SS18: variants seen among roughly 807,000 people sequenced by gnomAD.
SS18 encodes the protein protein SSXT.
SS18 carries 28 observed loss-of-function variants against 72.5 expected under a neutral mutation model. The ratio of observed to expected loss-of-function variants is 0.39; its 90% CI spans 0.29 to 0.53. The LOEUF is 0.53. Among genes scored for constraint, SS18 ranks in the 20% least tolerant of loss-of-function variants. SS18 has a pLI of 0.76. For missense variants in SS18, 518 were observed against 535.3 expected (o/e 0.97, Z 0.32); for synonymous variants, 172 against 164.2 (o/e 1.05, Z -0.37).
At chr18:26,033,498 G>A (rs1450024432) in intron 9 of SS18, among the ~76,000 whole-genome samples, 5 of 148,102 alleles carry the variant, frequency 3.4e-5, no homozygotes, top group Non-Finnish European at 7.4e-5. Context: ...GGCAACAAGA[G>A]TGAAACTCCG....
chr18:26,075,975 A>G (rs539165351), intron 3 of SS18, among the ~76,000 whole-genome samples: 2 of 152,072 alleles, frequency 1.3e-5, no homozygotes, highest in East Asian at 3.9e-4. Context: ...CTCAAAAAAT[A>G]TAAAGTATTA....
chr18:26,090,733 C>G (rs1271151404), upstream of SS18: 3 of 700,360 alleles, frequency 4.3e-6, no homozygotes, highest in South Asian at 3.5e-5. Context: ...AGGAGGCACT[C>G]TGGCCAGGGA....
In SS18 at chr18:26,035,507, T is replaced by C. The variant is rs2053611966; in HGVS notation, c.973+324A>G. 1.4e-5 allele frequency: 4 copies of C among 286,500 alleles called. No individual in the cohort carries two copies. Among genetic ancestry groups the C allele is most frequent in the East Asian group, 6.4e-5 (1 of 15,526 alleles). 17.7% of individuals were successfully genotyped at this position (286,500 alleles called of 1,614,324 possible). On this transcript the variant is annotated intron_variant, in intron 8 of 10. Coordinates refer to ENST00000415083, the MANE Select transcript of SS18 (RefSeq NM_001007559.3). This position sits in a 1 kb window ranked among gnomAD's most constrained non-coding sequence, Gnocchi z 4.4. Reference sequence around the variant, plus strand: ...CTGTTTCCTAAAGGCACTATACTTATATGTAAAATTATACATATGTAAACA... The same window carrying C: ...CTGTTTCCTAAAGGCACTATACTTACATGTAAAATTATACATATGTAAACA...
At chr18:26,061,974 G>A (rs2054131874) in intron 3 of SS18, among the ~76,000 whole-genome samples, 1 of 152,104 alleles carries the variant, frequency 6.6e-6, no homozygotes, top group African/African-American at 2.4e-5. Context: ...CAAAAGACTA[G>A]GTTAGGCCGG....
intron 2 of SS18, among the ~76,000 whole-genome samples, chr18:26,086,936 A>C (rs573996274): frequency 6.6e-6 from 1 of 152,366 alleles, no homozygotes; most frequent in South Asian, 2.1e-4. Context: ...TTTCTTTTAT[A>C]AATTAACAAG....
chr18:26,076,615 G>GACA, intron 3 of SS18, among the ~76,000 whole-genome samples: 1 of 152,030 alleles, frequency 6.6e-6, no homozygotes, highest in Non-Finnish European at 1.5e-5. Context: ...GTATCTTAGG[G>GACA]ACAAGCATCT....
Position 26,057,675 on chromosome 18 carries a change from C to T in SS18, c.299G>A (p.Arg100His), listed in dbSNP as rs747568392. 17 of 1,613,976 alleles carry T rather than the reference C, an allele frequency of 1.1e-5. No homozygotes were observed. The highest frequency in any genetic ancestry group is 1.7e-4 in the Middle Eastern group (1 of 6,052). Residue 100 changes from arginine to histidine, a missense_variant, in exon 4 of 11, where the codon CGC becomes CAC. Coordinates refer to ENST00000415083, the MANE Select transcript of SS18 (RefSeq NM_001007559.3). ...TCCATCTGAAGGCATGTTGTGAGAG[C>T]GTGGAGGTGGGGGAGGGCCGCTCTG... is the stretch of plus-strand genomic sequence containing the variant. ...MNQSGPPPPP[R>H]SHNMPSDGMV...
chr18:26,035,315 G>A lies in SS18; in HGVS notation c.974-188C>T. The A allele has an allele frequency of 1.6e-6, 1 of 630,884 alleles. No homozygotes were observed. 39.1% of individuals were successfully genotyped at this position (630,884 alleles called of 1,614,324 possible). A position where few individuals can be genotyped will look rare whatever the true frequency, so the allele number is the denominator to read the frequency against. ...TTCGGCCAAACAAACTGCAGTTAAA[G>A]CCAATTTTGCAAGGTTGAACTGCAG... On this transcript the variant is annotated intron_variant, in intron 8 of 10. Transcript: ENST00000415083. The surrounding 1 kb of genome is among the most constrained non-coding windows in gnomAD (Gnocchi z 4.4).
chr18:26,074,617 GTTTA>G (rs1341460174), intron 3 of SS18, among the ~76,000 whole-genome samples: 1 of 151,826 alleles, frequency 6.6e-6, no homozygotes, highest in Non-Finnish European at 1.5e-5. Context: ...CATGCAATAA[GTTTA>G]TTATTTTTAA....
intron 3 of SS18, among the ~76,000 whole-genome samples, chr18:26,071,852 G>A (rs536167118): frequency 6.6e-6 from 1 of 152,080 alleles, no homozygotes; most frequent in East Asian, 1.9e-4. Context: ...AAGAATGATG[G>A]TGAAATAAAG....
intron 3 of SS18, among the ~76,000 whole-genome samples, chr18:26,069,541 T>G (rs1393298041): frequency 6.9e-6 from 1 of 144,318 alleles, no homozygotes; most frequent in African/African-American, 2.5e-5. Flanking sequence ...AAGAAAGAAA[T>G]ACTGTGACAG....
chr18:26,042,418 A>G (rs2053744888), intron 5 of SS18, among the ~76,000 whole-genome samples: 1 of 152,144 alleles, frequency 6.6e-6, no homozygotes, highest in Non-Finnish European at 1.5e-5. Context: ...CCTAGAATAT[A>G]TTTTTGCAAG....
At chr18:26,051,999 T>C (rs1313500690) in intron 5 of SS18, among the ~76,000 whole-genome samples, 1 of 152,200 alleles carries the variant, frequency 6.6e-6, no homozygotes, top group Non-Finnish European at 1.5e-5. Flanking sequence ...GAAATAGCAT[T>C]AACCTGGAAA....
intron 3 of SS18, among the ~76,000 whole-genome samples, chr18:26,060,758 C>G (rs1225068898): frequency 1.7e-5 from 1 of 58,558 alleles, no homozygotes; most frequent in Non-Finnish European, 3.7e-5. Context: ...AACTCTGTCT[C>G]TACTAAAAAT....
intron 3 of SS18, among the ~76,000 whole-genome samples, chr18:26,063,840 G>A (rs896018990): frequency 1.3e-5 from 2 of 152,034 alleles, no homozygotes; most frequent in Non-Finnish European, 2.9e-5. Flanking sequence ...AGAAAATTAA[G>A]CCAAAAGCTG....
chr18:26,078,181 T>C (rs768809729), intron 2 of SS18, 21 bp from the exon 3 acceptor site: 1 of 1,571,602 alleles, frequency 6.4e-7, no homozygotes, highest in Admixed American at 1.7e-5. Context: ...AAAACAAGTA[T>C]CAGTATTAAA....
At chr18:26,050,096 G>A (rs1368525162) in intron 5 of SS18, among the ~76,000 whole-genome samples, 5 of 152,054 alleles carry the variant, frequency 3.3e-5, no homozygotes, top group East Asian at 3.9e-4. Context: ...TTAGCTGGGC[G>A]TGATGGCAGG....
At chr18:26,031,771 G>C (rs763366826) in intron 10 of SS18, among the ~76,000 whole-genome samples, 5 of 152,156 alleles carry the variant, frequency 3.3e-5, no homozygotes, top group Admixed American at 2.0e-4. Flanking sequence ...TTACGTGTGT[G>C]GAAGGAGGCA....
chr18:26,050,991 T>G (rs1212048124), intron 5 of SS18, among the ~76,000 whole-genome samples: 1 of 152,170 alleles, frequency 6.6e-6, no homozygotes, highest in East Asian at 1.9e-4. Flanking sequence ...TTGTCTTTAA[T>G]CTCTTCAGAT....
Sources: gnomAD v4.1 joint callset for allele counts (sites outside exome capture counted in the v4.1 genomes callset) on GRCh38, gnomAD v4.1.1 for gene constraint, Gnocchi (gnomAD v3.1) non-coding constraint, MANE v1.5 for transcripts, NCBI Gene and HGNC (gene_info 2026-07-23, HGNC 2026-07-21) for gene names.